The following PACRG variants were observed in gnomAD, a reference collection of about 807,000 sequenced individuals.
The protein encoded by PACRG is parkin coregulated gene protein.
In PACRG, 29 loss-of-function variants were observed where a neutral mutation model predicts 29.7. The ratio of observed to expected loss-of-function variants is 0.98; its 90% CI spans 0.73 to 1.33. The LOEUF (loss-of-function observed/expected upper bound fraction) is 1.33. Ranked by LOEUF, PACRG falls within the 40% of genes most tolerant of loss-of-function variation. The pLI is 0.00. For synonymous variants in PACRG, 116 were observed against 118.7 expected, an observed-to-expected ratio of 0.98 and a Z score of 0.15; for missense variants, 279 against 316.2, an observed-to-expected ratio of 0.88 and a Z score of 0.89.
intron 2 of PACRG, among the ~76,000 whole-genome samples, chr6:162,947,363 TA>T (rs1439661096): frequency 0.012 from 41 of 3,540 alleles, 7 homozygotes; most frequent in Admixed American, 0.035. Flanking sequence ...ATATATAATG[TA>T]ATCATATATA....
At chr6:162,984,299 C>T (rs939457631) in intron 2 of PACRG, among the ~76,000 whole-genome samples, 6 of 152,148 alleles carry the variant, frequency 3.9e-5, no homozygotes, top group Admixed American at 6.6e-5. Context: ...AATTACTTCT[C>T]CTAGAATAAT....
At chr6:163,125,223 A>G (rs960237543) in intron 4 of PACRG, among the ~76,000 whole-genome samples, 1 of 152,248 alleles carries the variant, frequency 6.6e-6, no homozygotes, top group African/African-American at 2.4e-5. Context: ...GTCAGGAGGT[A>G]TGTCTCATAG....
rs556344178 is a variant in PACRG, at chr6:162,885,770, A to ATGTG, written c.291+71505_291+71508dup. 6.2e-5 allele frequency among the ~76,000 whole-genome samples: 8 copies of ATGTG among 129,462 alleles called. 1 individual carries two copies. In the South Asian group the frequency reaches 1.8e-3, roughly 29 times the overall value. The allele number at this position is 129,462 out of a possible 152,430, so 84.9% of individuals were successfully genotyped here. ...TGTGTGTGTGTGCGTGCACACGTGC[A>ATGTG]TGTGTGTGTGTGTGTGTGTATATAT... is the stretch of plus-strand genomic sequence containing the variant. On this transcript the variant is annotated intron_variant, in intron 2 of 4. Transcript: ENST00000366888.
chr6:162,767,769 G>A (rs1197517944), intron 1 of PACRG, among the ~76,000 whole-genome samples: 1 of 150,472 alleles, frequency 6.6e-6, no homozygotes, highest in African/African-American at 2.4e-5. Flanking sequence ...TATTATATGG[G>A]GTTTCCCCCT....
intron 2 of PACRG, among the ~76,000 whole-genome samples, chr6:162,949,232 A>G (rs1259379303): frequency 1.3e-5 from 2 of 152,186 alleles, no homozygotes; most frequent in Non-Finnish European, 1.5e-5. Context: ...TCATTATGTT[A>G]AGTGAAATAA....
At chr6:163,127,832 A>T (rs1277672320) in intron 4 of PACRG, among the ~76,000 whole-genome samples, 1 of 152,248 alleles carries the variant, frequency 6.6e-6, no homozygotes, top group Non-Finnish European at 1.5e-5. Context: ...GCCTGATGAC[A>T]GCCTGCTGAT....
At chr6:163,223,130 G>A (rs558563936) in intron 4 of PACRG, among the ~76,000 whole-genome samples, 43 of 152,290 alleles carry the variant, frequency 2.8e-4, no homozygotes, top group Non-Finnish European at 5.3e-4. Flanking sequence ...GCGATGGCTC[G>A]TGCCTGTAAT....
rs117050298 is a variant in PACRG at position 162,853,094 on chromosome 6, C to T, written c.291+38813C>T. 1.9e-3 allele frequency among the ~76,000 whole-genome samples: 290 copies of T among 152,250 alleles called. 7 individuals are homozygous for T. In the East Asian group the frequency reaches 0.041, roughly 22 times the overall value. ...TGAGAGATTTCCTTCTTTTGTAAAG[C>T]GGCAGAACTATTGTGAAAGGGGAGT... On this transcript the variant is annotated intron_variant, in intron 2 of 4. Transcript: ENST00000366888. This position sits in a 1 kb window ranked among gnomAD's most constrained non-coding sequence, Gnocchi z 4.7.
intron 1 of PACRG, among the ~76,000 whole-genome samples, chr6:162,747,395 T>A (rs1380462879): frequency 2.7e-5 from 1 of 37,064 alleles, no homozygotes; most frequent in African/African-American, 3.5e-4. Flanking sequence ...TATATGTATA[T>A]ATATATGTAT....
At chr6:163,233,552 C>G (rs1782126652) in intron 4 of PACRG, among the ~76,000 whole-genome samples, 1 of 152,054 alleles carries the variant, frequency 6.6e-6, no homozygotes, top group South Asian at 2.1e-4. Context: ...ATTATGAGTT[C>G]AAGAAAATAA....
chr6:163,091,722 A>G (rs1241034219), intron 4 of PACRG, among the ~76,000 whole-genome samples: 1 of 152,200 alleles, frequency 6.6e-6, no homozygotes, highest in Non-Finnish European at 1.5e-5. Context: ...CCCTAGATCC[A>G]ATTCTTTCAG....
At chr6:163,028,686 T>C (rs1442204928) in intron 2 of PACRG, among the ~76,000 whole-genome samples, 5 of 152,130 alleles carry the variant, frequency 3.3e-5, no homozygotes, top group Admixed American at 6.5e-5. Context: ...TATAAAGACA[T>C]TGGTAGTGCT....
chr6:163,082,269 A>G (rs775332796), intron 3 of PACRG, among the ~76,000 whole-genome samples: 1 of 152,164 alleles, frequency 6.6e-6, no homozygotes, highest in African/African-American at 2.4e-5. Flanking sequence ...TTGAAGACAT[A>G]TCATGTTCCT....
chr6:162,914,502 T>A (rs901647078), intron 2 of PACRG, among the ~76,000 whole-genome samples: 3 of 82,260 alleles, frequency 3.6e-5, no homozygotes, highest in South Asian at 4.6e-4. Flanking sequence ...AGTTTTGTAC[T>A]TTTTTGTTTT....
At chr6:162,918,832 C>T (rs564120710) in intron 2 of PACRG, among the ~76,000 whole-genome samples, 1 of 151,922 alleles carries the variant, frequency 6.6e-6, no homozygotes, top group Non-Finnish European at 1.5e-5. Flanking sequence ...TCTAAGTTCC[C>T]CTCTTGTATT....
chr6:162,834,138 G>C (rs781189727), intron 2 of PACRG, among the ~76,000 whole-genome samples: 5 of 151,988 alleles, frequency 3.3e-5, no homozygotes, highest in Non-Finnish European at 4.4e-5. Context: ...ATTTGTTTTT[G>C]TATAGATTAT....
chr6:162,740,944 A>G (rs1371516647), intron 1 of PACRG, among the ~76,000 whole-genome samples: 1 of 152,062 alleles, frequency 6.6e-6, no homozygotes, highest in Non-Finnish European at 1.5e-5. Context: ...GTTTTTCTTA[A>G]TTGGAAGTAG....
At chr6:163,112,507 G>A (rs1815769558) in intron 4 of PACRG, among the ~76,000 whole-genome samples, 4 of 152,152 alleles carry the variant, frequency 2.6e-5, no homozygotes, top group Admixed American at 2.6e-4. Context: ...CCCTCTGGTT[G>A]AAGCAATTTC....
chr6:162,730,377 AAT>A (rs1779669254), intron 1 of PACRG, among the ~76,000 whole-genome samples: 1 of 152,092 alleles, frequency 6.6e-6, no homozygotes, highest in Non-Finnish European at 1.5e-5. Flanking sequence ...CGTGTATGCC[AAT>A]TTCCAGCTTT....
Sources: allele counts gnomAD v4.1 joint callset (sites outside exome capture counted in the v4.1 genomes callset), GRCh38; gene constraint gnomAD v4.1.1; non-coding constraint Gnocchi (gnomAD v3.1); transcripts MANE v1.5; gene names NCBI Gene and HGNC (gene_info 2026-07-23, HGNC 2026-07-21).